The following TMX2 variants were observed in gnomAD, a reference collection of about 807,000 sequenced individuals.
The protein encoded by TMX2 is thioredoxin related transmembrane protein 2, also known as thioredoxin-related transmembrane protein 2.
Under a neutral mutation model 33.4 loss-of-function variants are expected in TMX2, and 20 were observed. That is an observed-to-expected ratio of 0.60 (90% CI 0.42 to 0.87). The LOEUF (loss-of-function observed/expected upper bound fraction) is 0.87, where lower values mean the gene tolerates loss of function less well. Ranked by LOEUF, TMX2 falls within the 40% of genes least tolerant of loss-of-function variation. TMX2 has a pLI of 0.00. For synonymous variants in TMX2, 166 were observed against 140.7 expected, an observed-to-expected ratio of 1.18 and a Z score of -1.27; for missense variants, 340 against 370.7, an observed-to-expected ratio of 0.92 and a Z score of 0.68.
At chr11:57,719,033 A>ATTTTT (rs1191976911) in intron 1 of TMX2, among the ~76,000 whole-genome samples, 5 of 70,642 alleles carry the variant, frequency 7.1e-5, no homozygotes, top group Non-Finnish European at 8.4e-5. Context: ...ATATATATAT[A>ATTTTT]TTTTTTTTTT....
In TMX2 at chr11:57,739,192, G is replaced by A; in HGVS notation, c.676G>A (p.Gly226Ser). The change falls in exon 7 of 8, where the codon GGC becomes AGC. Residue 226 changes from glycine to serine, a missense_variant. This residue lies in a region of TMX2 where 209 missense variants were observed against 241.6 expected (regional missense o/e 0.87). Coordinates refer to ENST00000278422, the MANE Select transcript of TMX2 (RefSeq NM_015959.4). Reference protein sequence around the residue: ...QLPTLILFQGGKEAMRRPQID... With the variant: ...QLPTLILFQGSKEAMRRPQID... ...CCCTACCCTGATCCTGTTCCAAGGT[G>A]GCAAGGAGGCAATGCGGCGGCCACA... The A allele has an allele frequency of 6.2e-7, 1 of 1,614,062 alleles. No individual in the cohort carries two copies. The highest frequency in any genetic ancestry group is 8.5e-7 in the Non-Finnish European group (1 of 1,180,028).
chr11:57,730,731 C>T (rs1269345462), intron 1 of TMX2, among the ~76,000 whole-genome samples: 1 of 152,156 alleles, frequency 6.6e-6, no homozygotes. Flanking sequence ...AGTGAAACTG[C>T]GTCTCAAAGA....
intron 1 of TMX2, among the ~76,000 whole-genome samples, chr11:57,716,473 G>A (rs1947056509): frequency 2.2e-5 from 3 of 135,510 alleles, no homozygotes; most frequent in Non-Finnish European, 4.8e-5. Flanking sequence ...CGGACGGGGC[G>A]GCTGGCCGGG....
rs1299964084 is a variant in TMX2, at chr11:57,738,607, G to C, written c.442-57G>C. The C allele has an allele frequency of 7.4e-6, 11 of 1,495,812 alleles. 1 individual carries two copies. Among genetic ancestry groups the C allele is most frequent in the Middle Eastern group, 1.7e-4 (1 of 5,726 alleles). The allele number at this position is 1,495,812 out of a possible 1,614,324, so 92.7% of individuals were successfully genotyped here. On this transcript the variant is annotated intron_variant, in intron 4 of 7. Transcript: ENST00000278422. ...GATGAGGAATTAGATGCTAAAGTCT[G>C]AACCTTCCCAGGAGGCTATGTGGAT...
chr11:57,723,483 CA>C (rs1188727488), intron 1 of TMX2, among the ~76,000 whole-genome samples: 26 of 57,194 alleles, frequency 4.5e-4, no homozygotes, highest in Admixed American at 4.3e-4. Flanking sequence ...AACTCCGTCT[CA>C]AAAAAAAAAA....
intron 1 of TMX2, among the ~76,000 whole-genome samples, chr11:57,714,276 C>T (rs1254295166): frequency 6.6e-6 from 1 of 152,168 alleles, no homozygotes; most frequent in East Asian, 1.9e-4. Flanking sequence ...ATTGTTGTGT[C>T]TCATTTCAGA....
At chr11:57,736,334 A>G (rs1299260360) in intron 1 of TMX2, among the ~76,000 whole-genome samples, 1 of 67,252 alleles carries the variant, frequency 1.5e-5, no homozygotes, top group Non-Finnish European at 3.3e-5. Context: ...ATGATAGCTG[A>G]TGAGCTAAAA....
In TMX2 at chr11:57,712,614, A is replaced by T. The variant is rs780955897; in HGVS notation, c.-5A>T. The stretch of plus-strand genomic sequence containing the variant: ...CGGCGAGCAGTGGCCGTTACGGCCG[A>T]AAAGATGGCGGTCTTGGCACCTCTA... On this transcript the variant is annotated 5_prime_UTR_variant, in exon 1 of 8. Transcript: ENST00000278422. The T allele has an allele frequency of 6.2e-7, 1 of 1,608,376 alleles. No individual in the cohort carries two copies.
chr11:57,731,349 G>C (rs191151508), intron 1 of TMX2, among the ~76,000 whole-genome samples: 173 of 149,056 alleles, frequency 1.2e-3, no homozygotes, highest in African/African-American at 4.1e-3. Context: ...GGCCAGGCTG[G>C]TCTTGAACTC....
At chr11:57,733,312 A>G (rs546531396) in intron 1 of TMX2, among the ~76,000 whole-genome samples, 59 of 140,734 alleles carry the variant, frequency 4.2e-4, no homozygotes, top group Non-Finnish European at 7.8e-4. Flanking sequence ...CTGGAGTGCA[A>G]TAGCGCTTTC....
At chr11:57,736,639 G>C (rs1373673870) in intron 1 of TMX2, among the ~76,000 whole-genome samples, 2 of 152,084 alleles carry the variant, frequency 1.3e-5, no homozygotes, top group Non-Finnish European at 2.9e-5. Flanking sequence ...TGTAATCCCA[G>C]CACTTTAGGA....
At chr11:57,734,681 A>G (rs1948631365) in intron 1 of TMX2, among the ~76,000 whole-genome samples, 1 of 151,282 alleles carries the variant, frequency 6.6e-6, no homozygotes. Context: ...CCAGGAGGCA[A>G]AGGTTGCACT....
chr11:57,712,900 A>G (rs1399126685), intron 1 of TMX2, 93 bp downstream of exon 1: 1 of 1,385,896 alleles, frequency 7.2e-7, no homozygotes, highest in Admixed American at 2.0e-5. Flanking sequence ...CTCTGAGGAC[A>G]CCTGAGGTTC....
intron 1 of TMX2, among the ~76,000 whole-genome samples, chr11:57,718,883 C>T (rs941099104): frequency 3.3e-5 from 5 of 150,830 alleles, no homozygotes; most frequent in Non-Finnish European, 7.4e-5. Context: ...CTCTTAACTC[C>T]TGACCTCATG....
intron 1 of TMX2, among the ~76,000 whole-genome samples, chr11:57,730,542 G>T (rs1330552532): frequency 6.8e-6 from 1 of 147,758 alleles, no homozygotes; most frequent in Non-Finnish European, 1.5e-5. Context: ...TTCAAGATCA[G>T]CCTGGCCAAC....
chr11:57,717,755 G>GGAGAGGCAGAGGC (rs1565214413), intron 1 of TMX2, among the ~76,000 whole-genome samples: 2 of 145,580 alleles, frequency 1.4e-5, no homozygotes, highest in Non-Finnish European at 3.0e-5. Flanking sequence ...AGGGGAGAGG[G>GGAGAGGCAGAGGC]AGAGGCAGAG....
chr11:57,736,456 GGTT>G (rs1948756496), intron 1 of TMX2, among the ~76,000 whole-genome samples: 1 of 152,172 alleles, frequency 6.6e-6, no homozygotes, highest in Non-Finnish European at 1.5e-5. Context: ...TGGACAAGAA[GGTT>G]GTTCTAGAAG....
chr11:57,719,387 C>G (rs550500335), intron 1 of TMX2, among the ~76,000 whole-genome samples: 4 of 151,010 alleles, frequency 2.6e-5, no homozygotes, highest in African/African-American at 9.7e-5. Context: ...GATCTCATGC[C>G]CTGGGAAATT....
rs1946695541 is a variant in TMX2, at chr11:57,712,819, G to A, written c.189+12G>A. ...GTGACTTTGACTGGGTGAGCCTCCC[G>A]CGTGTTAGTACCCCGCGACCTTGAC... is the stretch of plus-strand genomic sequence containing the variant. On this transcript the variant is annotated intron_variant, in intron 1 of 7. Transcript: ENST00000278422. The A allele has an allele frequency of 6.2e-7, 1 of 1,613,814 alleles. No individual in the cohort carries two copies. The highest frequency in any genetic ancestry group is 8.5e-7 in the Non-Finnish European group (1 of 1,179,966).
Sources: gnomAD v4.1 joint callset for allele counts (sites outside exome capture counted in the v4.1 genomes callset) on GRCh38, gnomAD v4.1.1 for gene constraint, gnomAD v4.1.1 regional missense constraint, MANE v1.5 for transcripts, NCBI Gene and HGNC (gene_info 2026-07-23, HGNC 2026-07-21) for gene names.